The following METTL24 variants were observed in gnomAD, a reference collection of about 807,000 sequenced individuals.
The protein encoded by METTL24 is methyltransferase like 24.
Under a neutral mutation model 32.7 loss-of-function variants are expected in METTL24, and 29 were observed. The observed-to-expected ratio is 0.89, with a 90% CI of 0.66 to 1.21. The LOEUF (loss-of-function observed/expected upper bound fraction) is 1.21, where lower values mean the gene tolerates loss of function less well. Ranked by LOEUF, METTL24 falls within the 50% of genes most tolerant of loss-of-function variation. The pLI is 0.00. For missense variants in METTL24, 439 were observed against 468.1 expected (o/e 0.94, Z 0.57); for synonymous variants, 163 against 179.5 (o/e 0.91, Z 0.73).
At chr6:110,269,045 G>A (rs1028082128) in intron 4 of METTL24, among the ~76,000 whole-genome samples, 2 of 152,078 alleles carry the variant, frequency 1.3e-5, no homozygotes, top group Non-Finnish European at 2.9e-5. Context: ...AATATACCAA[G>A]AAACAAACGT....
chr6:110,336,307 A>G (rs929643584), intron 1 of METTL24, among the ~76,000 whole-genome samples: 1 of 152,258 alleles, frequency 6.6e-6, no homozygotes. Flanking sequence ...CACACTGGCC[A>G]TGTAGCATAG....
intron 4 of METTL24, among the ~76,000 whole-genome samples, chr6:110,260,299 C>T (rs920941130): frequency 3.3e-5 from 5 of 152,106 alleles, no homozygotes; most frequent in African/African-American, 7.2e-5. Flanking sequence ...AACCATGGCA[C>T]GAGAACTACG....
chr6:110,311,359 T>C (rs1358579826), intron 3 of METTL24, among the ~76,000 whole-genome samples: 1 of 152,140 alleles, frequency 6.6e-6, no homozygotes, highest in Non-Finnish European at 1.5e-5. Flanking sequence ...TTAAGTGCTT[T>C]CATGTTTTTA....
At chr6:110,312,161 T>C (rs907953774) in intron 3 of METTL24, among the ~76,000 whole-genome samples, 4 of 152,162 alleles carry the variant, frequency 2.6e-5, no homozygotes, top group Admixed American at 2.0e-4. Flanking sequence ...TCTTATCTTA[T>C]CCCAGTTAGA....
At chr6:110,349,687 A>G (rs1453727707) in intron 1 of METTL24, among the ~76,000 whole-genome samples, 1 of 152,214 alleles carries the variant, frequency 6.6e-6, no homozygotes, top group South Asian at 2.1e-4. Flanking sequence ...CCCATAGTTC[A>G]CTTGGGCCCC....
chr6:110,261,502 C>G (rs1770729954), intron 4 of METTL24, among the ~76,000 whole-genome samples: 1 of 152,130 alleles, frequency 6.6e-6, no homozygotes, highest in Non-Finnish European at 1.5e-5. Context: ...CTTAGACTCC[C>G]ACACAATAAT....
intron 3 of METTL24, among the ~76,000 whole-genome samples, chr6:110,302,832 A>T (rs1771558177): frequency 1.3e-5 from 2 of 152,140 alleles, no homozygotes; most frequent in South Asian, 4.1e-4. Context: ...GAAATACTCA[A>T]GTTGTAAGAA....
At chr6:110,320,404 G>C (rs75023741) in intron 2 of METTL24, among the ~76,000 whole-genome samples, 1 of 152,218 alleles carries the variant, frequency 6.6e-6, no homozygotes, top group East Asian at 1.9e-4. Flanking sequence ...CATACGGAGG[G>C]GGAGGGAGCA....
At chr6:110,257,981 T>C (rs912917673) in intron 4 of METTL24, among the ~76,000 whole-genome samples, 1 of 152,230 alleles carries the variant, frequency 6.6e-6, no homozygotes, top group African/African-American at 2.4e-5. Flanking sequence ...GTGTGGTGGC[T>C]GGGGCCTTGA....
chr6:110,253,968 C>T (rs1778333138), intron 4 of METTL24: 6 of 1,385,880 alleles, frequency 4.3e-6, no homozygotes, highest in Admixed American at 6.0e-5. Context: ...GGTGAAGGTC[C>T]AGACCTCAAC....
rs1207116620 is a variant in METTL24 at position 110,266,703 on chromosome 6, C to G, written c.787-20443G>C. Among the ~76,000 whole-genome samples the G allele has an allele frequency of 2.6e-5, 4 of 152,232 alleles. No individual in the cohort carries two copies. The East Asian group carries it at 5.8e-4, about 22-fold the overall frequency. On this transcript the variant is annotated intron_variant, in intron 4 of 4. Coordinates refer to ENST00000338882, the MANE Select transcript of METTL24 (RefSeq NM_001123364.3). ...GCTGAAAAATCTCAGTTTGAGGCAG[C>G]ATGTTCACAAAGTTAGATGTCCTCT...
chr6:110,335,962 T>C (rs911107305), intron 1 of METTL24, among the ~76,000 whole-genome samples: 1 of 152,166 alleles, frequency 6.6e-6, no homozygotes, highest in Admixed American at 6.5e-5. Flanking sequence ...GTTGATAATA[T>C]AGACATGGCA....
chr6:110,328,374 T>C (rs1029288299), intron 1 of METTL24, among the ~76,000 whole-genome samples: 2 of 152,212 alleles, frequency 1.3e-5, no homozygotes, highest in Non-Finnish European at 2.9e-5. Flanking sequence ...TAGAGAAAAA[T>C]TCCAAAAATT....
rs4530902 is a variant in METTL24 at position 110,270,927 on chromosome 6, T to A, written c.787-24667A>T. 3.7e-3 allele frequency among the ~76,000 whole-genome samples: 559 copies of A among 149,390 alleles called. 5 individuals carry two copies. The highest frequency in any genetic ancestry group is 0.013 in the African/African-American group (538 of 40,434). On this transcript the variant is annotated intron_variant, in intron 4 of 4. Coordinates refer to ENST00000338882, the MANE Select transcript of METTL24 (RefSeq NM_001123364.3). ...ATCTTGACTCACTACAACCTCTACCTCCTGGGTTCAAGTGATTCTCCTGCC... is the reference window on the plus strand; with the variant it reads ...ATCTTGACTCACTACAACCTCTACCACCTGGGTTCAAGTGATTCTCCTGCC...
Position 110,270,163 on chromosome 6 carries a change from T to C in METTL24, c.787-23903A>G, listed in dbSNP as rs1770929600. On this transcript the variant is annotated intron_variant, in intron 4 of 4. Coordinates refer to ENST00000338882, the MANE Select transcript of METTL24 (RefSeq NM_001123364.3). ...TGGCTCAGAACACAGAGAGTAGAGA[T>C]AATCATTAAAGTTTTATGGGTTGTC... Among the ~76,000 whole-genome samples the C allele has an allele frequency of 2.0e-5, 3 of 151,732 alleles. No individual in the cohort carries two copies. In the South Asian group the frequency reaches 6.2e-4, roughly 31 times the overall value.
At chr6:110,259,325 C>G (rs1282431497) in intron 4 of METTL24, among the ~76,000 whole-genome samples, 3 of 152,232 alleles carry the variant, frequency 2.0e-5, no homozygotes, top group Admixed American at 2.0e-4. Flanking sequence ...TTATATCCCA[C>G]GCCTGGCTCA....
intron 4 of METTL24, among the ~76,000 whole-genome samples, chr6:110,284,903 A>C (rs957899162): frequency 1.3e-5 from 2 of 152,240 alleles, no homozygotes; most frequent in African/African-American, 4.8e-5. Flanking sequence ...AAGAAAGCTT[A>C]CACTTAACAC....
rs1451705900 is a variant in METTL24 at position 110,315,323 on chromosome 6, T to C, written c.557+19A>G. The C allele has an allele frequency of 1.2e-6, 2 of 1,613,582 alleles. No homozygotes were observed. Among genetic ancestry groups the C allele is most frequent in the Non-Finnish European group, 1.7e-6 (2 of 1,179,874 alleles). ...AAGCAGTGTTTGTGTTTTCTTCTGC[T>C]GTAAAAAAATGTACTCACCCTAAGG... is the stretch of plus-strand genomic sequence containing the variant. On this transcript the variant is annotated intron_variant, in intron 3 of 4. Coordinates refer to ENST00000338882, the MANE Select transcript of METTL24 (RefSeq NM_001123364.3).
At chr6:110,287,854 C>A (rs552255274) in intron 4 of METTL24, among the ~76,000 whole-genome samples, 4 of 152,258 alleles carry the variant, frequency 2.6e-5, no homozygotes, top group Admixed American at 2.0e-4. Context: ...CCTAGGAACA[C>A]AGAACTCAGA....
Sources: allele counts gnomAD v4.1 joint callset (sites outside exome capture counted in the v4.1 genomes callset), GRCh38; gene constraint gnomAD v4.1.1; transcripts MANE v1.5; gene names NCBI Gene and HGNC (gene_info 2026-07-23, HGNC 2026-07-21).